ETV6: variants seen among roughly 807,000 people sequenced by gnomAD.
The protein encoded by ETV6 is ETS variant transcription factor 6, also known as transcription factor ETV6.
Under a neutral mutation model 51.1 loss-of-function variants are expected in ETV6, and 16 were observed. The ratio of observed to expected loss-of-function variants is 0.31; its 90% CI spans 0.21 to 0.48. The LOEUF (loss-of-function observed/expected upper bound fraction) is 0.48, where lower values mean the gene tolerates loss of function less well. ETV6 is among the 20% of genes least tolerant of loss of function. The pLI is 0.99. For synonymous variants in ETV6, 240 were observed against 224.1 expected (o/e 1.07, Z -0.64); for missense variants, 458 against 594.8 (o/e 0.77, Z 2.39).
At chr12:11,697,251 G>A (rs1864893728) in intron 1 of ETV6, among the ~76,000 whole-genome samples, 1 of 152,186 alleles carries the variant, frequency 6.6e-6, no homozygotes, top group Non-Finnish European at 1.5e-5. Context: ...ACCATAGCCT[G>A]TAAGCTACAC....
intron 2 of ETV6, among the ~76,000 whole-genome samples, chr12:11,810,296 A>C (rs1303126174): frequency 6.6e-6 from 1 of 152,214 alleles, no homozygotes; most frequent in African/African-American, 2.4e-5. Context: ...GTAGAAGTCC[A>C]ACTTGAGAGC....
intron 2 of ETV6, among the ~76,000 whole-genome samples, chr12:11,791,985 C>T (rs944725054): frequency 3.9e-5 from 6 of 152,118 alleles, no homozygotes; most frequent in Non-Finnish European, 7.3e-5. Context: ...TTGGGAGGGT[C>T]GTACACATCA....
In ETV6 at chr12:11,809,851, G is replaced by C. The variant is rs1037248451; in HGVS notation, c.164-29289G>C. Reference sequence around the variant, plus strand: ...TTTTTTTTTTTTTGGAGAGAGTCTTGCTGTGTCACCCAGGCTGGAGTGCAG... The same window carrying C: ...TTTTTTTTTTTTTGGAGAGAGTCTTCCTGTGTCACCCAGGCTGGAGTGCAG... On this transcript the variant is annotated intron_variant, in intron 2 of 7. Transcript: ENST00000396373. Among the ~76,000 whole-genome samples, 6 of 110,268 alleles carry C rather than the reference G, an allele frequency of 5.4e-5. No homozygotes were observed. The Admixed American group carries it at 8.3e-4, about 15-fold the overall frequency. The allele number at this position is 110,268 out of a possible 152,430, so 72.3% of individuals were successfully genotyped here.
At chr12:11,863,806 C>G (rs1484020973) in intron 4 of ETV6, among the ~76,000 whole-genome samples, 1 of 152,208 alleles carries the variant, frequency 6.6e-6, no homozygotes, top group Non-Finnish European at 1.5e-5. Flanking sequence ...CGGCAGGCAG[C>G]AGGCTGAGAA....
chr12:11,771,447 A>G (rs1017984231), intron 2 of ETV6, among the ~76,000 whole-genome samples: 1 of 152,206 alleles, frequency 6.6e-6, no homozygotes, highest in South Asian at 2.1e-4. Context: ...AGCAGAGATA[A>G]ACTTCAAACT....
At chr12:11,662,439 A>G (rs1220738818) in intron 1 of ETV6, among the ~76,000 whole-genome samples, 1 of 152,142 alleles carries the variant, frequency 6.6e-6, no homozygotes, top group Non-Finnish European at 1.5e-5. Context: ...ACTTGGTAAA[A>G]TGGCCAAATG....
At chr12:11,767,275 T>G (rs1945176417) in intron 2 of ETV6, among the ~76,000 whole-genome samples, 1 of 152,234 alleles carries the variant, frequency 6.6e-6, no homozygotes, top group Admixed American at 6.5e-5. Context: ...CACATTGTTG[T>G]GAGGAAATTA....
Position 11,859,369 on chromosome 12 carries a change from C to T in ETV6, c.463+5808C>T, listed in dbSNP as rs11834476. 7.0e-3 allele frequency among the ~76,000 whole-genome samples: 1,068 copies of T among 151,924 alleles called. 20 individuals carry two copies. Among genetic ancestry groups the T allele is most frequent in the African/African-American group, 0.025 (1,015 of 41,394 alleles). ...TGTTAGCCAGGATGGTCTCGATCTCCTGACCTCGTGATCCGCCCGCCTCGG... is the reference window on the plus strand; with the variant it reads ...TGTTAGCCAGGATGGTCTCGATCTCTTGACCTCGTGATCCGCCCGCCTCGG... On this transcript the variant is annotated intron_variant, in intron 4 of 7. Transcript: ENST00000396373.
At chr12:11,779,259 T>TA (rs1240252110) in intron 2 of ETV6, among the ~76,000 whole-genome samples, 39 of 152,342 alleles carry the variant, frequency 2.6e-4, no homozygotes, top group Non-Finnish European at 5.9e-5. Flanking sequence ...TTGTACTTTT[T>TA]ATGGTTCTTA....
intron 1 of ETV6, among the ~76,000 whole-genome samples, chr12:11,691,586 A>G (rs187779498): frequency 1.3e-5 from 2 of 152,378 alleles, no homozygotes; most frequent in Admixed American, 1.3e-4. Flanking sequence ...TAAAAAGGAT[A>G]TCAGACCATA....
intron 1 of ETV6, among the ~76,000 whole-genome samples, chr12:11,689,544 G>A (rs1864707333): frequency 6.6e-6 from 1 of 152,026 alleles, no homozygotes; most frequent in Non-Finnish European, 1.5e-5. Flanking sequence ...CCACAGTTAG[G>A]CTAACAGGCA....
chr12:11,886,021 G>A lies in ETV6; in HGVS notation c.1248G>A (p.Leu416=). The A allele has an allele frequency of 6.2e-7, 1 of 1,610,246 alleles. No homozygotes were observed. The highest frequency in any genetic ancestry group is 8.5e-7 in the Non-Finnish European group (1 of 1,176,644). The part of the protein sequence containing the change: ...IIRKEPGQRL[L]FRFMKTPDEI... ...GGAAGGAGCCAGGACAAAGGCTTTT[G>A]TTCAGGTAGCACTTCCTTTTTCTCC... Residue 416 remains leucine (L), a synonymous_variant, in exon 7 of 8, where the codon TTG becomes TTA. Coordinates refer to ENST00000396373, the MANE Select transcript of ETV6 (RefSeq NM_001987.5).
chr12:11,746,842 C>A (rs1865919168), intron 1 of ETV6, among the ~76,000 whole-genome samples: 1 of 134,068 alleles, frequency 7.5e-6, no homozygotes, highest in South Asian at 2.4e-4. Flanking sequence ...TAATACAGGT[C>A]TGGGTAAGAG....
At chr12:11,758,866 T>C (rs1415942285) in intron 2 of ETV6, among the ~76,000 whole-genome samples, 1 of 152,260 alleles carries the variant, frequency 6.6e-6, no homozygotes, top group Admixed American at 6.5e-5. Flanking sequence ...TAGCATTTTC[T>C]ACTTTGTTCC....
intron 2 of ETV6, among the ~76,000 whole-genome samples, chr12:11,754,246 G>C (rs1344180231): frequency 2.6e-5 from 4 of 152,064 alleles, no homozygotes; most frequent in South Asian, 2.1e-4. Flanking sequence ...CTGTGTCCTG[G>C]GGGTGCAGAA....
intron 3 of ETV6, among the ~76,000 whole-genome samples, chr12:11,843,779 C>T (rs1946422762): frequency 6.6e-6 from 1 of 152,146 alleles, no homozygotes; most frequent in Admixed American, 6.5e-5. Context: ...CCTCCATTTT[C>T]AACCCCTAGG....
chr12:11,709,209 C>T (rs1007216969), intron 1 of ETV6, among the ~76,000 whole-genome samples: 1 of 152,144 alleles, frequency 6.6e-6, no homozygotes, highest in Non-Finnish European at 1.5e-5. Context: ...GATATTGATA[C>T]CCTACCTATA....
chr12:11,716,032 A>C (rs1865268739), intron 1 of ETV6, among the ~76,000 whole-genome samples: 1 of 152,220 alleles, frequency 6.6e-6, no homozygotes, highest in Non-Finnish European at 1.5e-5. Context: ...TGAAAAGTTG[A>C]AGAAAGCAAC....
chr12:11,825,053 TC>T (rs1946133096), intron 2 of ETV6, among the ~76,000 whole-genome samples: 1 of 152,174 alleles, frequency 6.6e-6, no homozygotes, highest in African/African-American at 2.4e-5. Context: ...ATAGCATCCC[TC>T]AAGAAAGCGT....
Sources: gnomAD v4.1 joint callset for allele counts (sites outside exome capture counted in the v4.1 genomes callset) on GRCh38, gnomAD v4.1.1 for gene constraint, MANE v1.5 for transcripts, NCBI Gene and HGNC (gene_info 2026-07-23, HGNC 2026-07-21) for gene names.